The following ADK variants were observed in gnomAD, a reference collection of about 807,000 sequenced individuals.
ADK encodes the protein N6,N6-dimethyladenosine kinase.
ADK carries 24 observed loss-of-function variants against 44.7 expected under a neutral mutation model. That is an observed-to-expected ratio of 0.54 (90% CI 0.39 to 0.76). The LOEUF (loss-of-function observed/expected upper bound fraction) is 0.76. ADK is among the 30% of genes least tolerant of loss of function. ADK has a pLI of 0.00. For synonymous variants in ADK, 128 were observed against 142.6 expected, an observed-to-expected ratio of 0.90 and a Z score of 0.73; for missense variants, 321 against 425.1, an observed-to-expected ratio of 0.76 and a Z score of 2.15.
chr10:74,556,092 T>C (rs1850234493), intron 7 of ADK, among the ~76,000 whole-genome samples: 1 of 152,220 alleles, frequency 6.6e-6, no homozygotes. Flanking sequence ...TTTAAAGATA[T>C]AAATAGTAGA....
intron 3 of ADK, among the ~76,000 whole-genome samples, chr10:74,291,674 TGTG>T (rs776807080): frequency 1.3e-5 from 2 of 151,794 alleles, no homozygotes; most frequent in African/African-American, 4.8e-5. Flanking sequence ...TTATATTACA[TGTG>T]GTAACTTTTT....
At chr10:74,538,283 C>T (rs1468066484) in intron 7 of ADK, among the ~76,000 whole-genome samples, 1 of 151,760 alleles carries the variant, frequency 6.6e-6, no homozygotes, top group South Asian at 2.1e-4. Context: ...TAATGTATTG[C>T]TCTGCTTCAT....
At chr10:74,172,103 A>C (rs1186214084) in intron 1 of ADK, among the ~76,000 whole-genome samples, 2 of 148,848 alleles carry the variant, frequency 1.3e-5, no homozygotes, top group Admixed American at 6.7e-5. Context: ...TTAATAAAAA[A>C]CTTTTTTTTC....
chr10:74,639,164 CAT>C (rs2134091265), intron 9 of ADK, among the ~76,000 whole-genome samples: 1 of 152,168 alleles, frequency 6.6e-6, no homozygotes, highest in East Asian at 1.9e-4. Flanking sequence ...TGTTAGAAGA[CAT>C]AGGGGACTTT....
chr10:74,698,732 A>G (rs755682179), intron 10 of ADK, among the ~76,000 whole-genome samples: 13 of 150,542 alleles, frequency 8.6e-5, no homozygotes, highest in Non-Finnish European at 1.6e-4. Flanking sequence ...AAATTTTTGA[A>G]TTTTTTTGTA....
chr10:74,255,763 CTT>C (rs1322268992), intron 3 of ADK, among the ~76,000 whole-genome samples: 1 of 152,214 alleles, frequency 6.6e-6, no homozygotes, highest in Non-Finnish European at 1.5e-5. Context: ...AGCAAACTTA[CTT>C]TTGCAGTTAT....
intron 2 of ADK, among the ~76,000 whole-genome samples, chr10:74,224,224 A>G (rs1157693144): frequency 1.3e-5 from 2 of 152,230 alleles, no homozygotes; most frequent in Non-Finnish European, 2.9e-5. Context: ...TGTGAAGTCC[A>G]AAATACTTAA....
At chr10:74,594,926 A>G (rs1851849614) in intron 8 of ADK, among the ~76,000 whole-genome samples, 2 of 152,290 alleles carry the variant, frequency 1.3e-5, no homozygotes, top group South Asian at 4.2e-4. Context: ...CTGTAATCCC[A>G]GCACTTTGGG....
intron 7 of ADK, among the ~76,000 whole-genome samples, chr10:74,567,080 G>C (rs976341266): frequency 7.2e-5 from 11 of 152,202 alleles, no homozygotes; most frequent in African/African-American, 1.9e-4. Context: ...TAGGGGTAAA[G>C]TAAGAGGCAA....
intron 7 of ADK, among the ~76,000 whole-genome samples, chr10:74,527,240 A>G (rs1184120167): frequency 6.6e-6 from 1 of 152,172 alleles, no homozygotes; most frequent in Non-Finnish European, 1.5e-5. Flanking sequence ...GAGTGCCTGT[A>G]GTCCCAGCTA....
At chr10:74,502,398 A>G (rs1015300404) in intron 6 of ADK, among the ~76,000 whole-genome samples, 4 of 152,142 alleles carry the variant, frequency 2.6e-5, no homozygotes, top group Non-Finnish European at 5.9e-5. Context: ...AAAGCAAGCC[A>G]TAGTTTAAAT....
intron 6 of ADK, among the ~76,000 whole-genome samples, chr10:74,489,003 A>G (rs1468485260): frequency 1.3e-5 from 2 of 151,942 alleles, no homozygotes; most frequent in African/African-American, 4.8e-5. Flanking sequence ...TAAATGAATT[A>G]ATATATTTGG....
chr10:74,398,839 G>T (rs1010048801), intron 6 of ADK, among the ~76,000 whole-genome samples: 2 of 151,970 alleles, frequency 1.3e-5, no homozygotes, highest in Non-Finnish European at 2.9e-5. Flanking sequence ...ACCAAGCGCA[G>T]AATTCTATAT....
At chr10:74,454,909 G>C (rs1344071750) in intron 6 of ADK, among the ~76,000 whole-genome samples, 1 of 152,098 alleles carries the variant, frequency 6.6e-6, no homozygotes, top group African/African-American at 2.4e-5. Context: ...TTCACATAAG[G>C]GTCTTGTGAC....
chr10:74,227,195 T>C (rs1471679414), intron 3 of ADK, among the ~76,000 whole-genome samples: 3 of 152,180 alleles, frequency 2.0e-5, no homozygotes, highest in Admixed American at 6.5e-5. Flanking sequence ...ATAAGAGATA[T>C]GGATATAAAA....
chr10:74,534,488 T>G (rs1411705232), intron 7 of ADK, among the ~76,000 whole-genome samples: 1 of 152,016 alleles, frequency 6.6e-6, no homozygotes, highest in Non-Finnish European at 1.5e-5. Flanking sequence ...AGAGGAAGAG[T>G]GTTTTGATAG....
chr10:74,545,521 T>A (rs544049028), intron 7 of ADK, among the ~76,000 whole-genome samples: 2 of 152,312 alleles, frequency 1.3e-5, no homozygotes, highest in South Asian at 2.1e-4. Context: ...TTGTCAAATT[T>A]TGCTACTTAA....
At chr10:74,422,883 T>A (rs1844612230) in intron 6 of ADK, among the ~76,000 whole-genome samples, 1 of 152,144 alleles carries the variant, frequency 6.6e-6, no homozygotes, top group Non-Finnish European at 1.5e-5. Context: ...ACAATAATGC[T>A]GTGGCAATTC....
At chr10:74,668,392 C>T (rs1040966491) in intron 9 of ADK, among the ~76,000 whole-genome samples, 1 of 152,192 alleles carries the variant, frequency 6.6e-6, no homozygotes, top group African/African-American at 2.4e-5. Context: ...TAATCAAAAT[C>T]TTGTCAACTG....
Sources: allele counts gnomAD v4.1 joint callset (sites outside exome capture counted in the v4.1 genomes callset), GRCh38; gene constraint gnomAD v4.1.1; transcripts MANE v1.5; gene names NCBI Gene and HGNC (gene_info 2026-07-23, HGNC 2026-07-21).